Variants in HSPG2 observed in about 807,000 individuals in gnomAD.
HSPG2 encodes heparan sulfate proteoglycan 2.
A neutral mutation model predicts 526.6 loss-of-function variants in HSPG2; 278 were observed. The ratio of observed to expected loss-of-function variants is 0.53; its 90% CI spans 0.48 to 0.58. The LOEUF (loss-of-function observed/expected upper bound fraction) is 0.58. Ranked by LOEUF, HSPG2 falls within the 20% of genes least tolerant of loss-of-function variation. HSPG2 has a pLI of 0.00. For synonymous variants in HSPG2, 2,465 were observed against 2,555.4 expected (o/e 0.96, Z 1.07); for missense variants, 5,354 against 6,099.5 (o/e 0.88, Z 4.07).
intron 37 of HSPG2, among the ~76,000 whole-genome samples, chr1:21,863,266 G>A (rs1350613649): frequency 6.7e-5 from 9 of 134,374 alleles, no homozygotes; most frequent in African/African-American, 2.5e-4. Flanking sequence ...CCAGCTACTC[G>A]GGAGGCTGAG....
intron 39 of HSPG2, among the ~76,000 whole-genome samples, chr1:21,861,346 C>A (rs143212612): frequency 3.1e-4 from 47 of 152,238 alleles, no homozygotes; most frequent in African/African-American, 1.1e-3. Flanking sequence ...ACAGCATAAG[C>A]AAGGCCTGAA....
At chr1:21,854,075 G>A (rs1639135532) in intron 50 of HSPG2, 118 bp downstream of exon 50, 1 of 1,180,252 alleles carries the variant, frequency 8.5e-7, no homozygotes, top group Non-Finnish European at 1.2e-6. Flanking sequence ...AGCAGGCGCT[G>A]AAGGGTCAAA....
Position 21,865,028 on chromosome 1 carries a change from G to T in HSPG2, c.4441C>A (p.Leu1481Ile). The change falls in exon 36 of 97, where the codon CTC (leucine) becomes ATC (isoleucine). Residue 1481 changes from leucine to isoleucine, a missense_variant. By Grantham distance (5) the Leu-to-Ile change is conservative (BLOSUM62 2). Coordinates refer to ENST00000374695, the MANE Select transcript of HSPG2 (RefSeq NM_005529.7). The surrounding 1 kb of genome is among the most constrained non-coding windows in gnomAD (Gnocchi z 5.4). ...PDGQPATREH[L>I]LMALADLDEL... ...TCCAGGTCGGCCAGTGCCATCAGGA[G>T]GTGCTCGCGTGTGGCCGGCTGCCCA... The T allele has an allele frequency of 6.3e-7, 1 of 1,575,034 alleles. No individual in the cohort carries two copies.
rs1479685040 is a variant in HSPG2, at chr1:21,898,498, C to T, written c.64-2188G>A. 2.0e-5 allele frequency among the ~76,000 whole-genome samples: 3 copies of T among 152,332 alleles called. No homozygotes were observed. The highest frequency in any genetic ancestry group is 6.5e-5 in the Admixed American group (1 of 15,308). ...GTGAGAAATGCAGATTCCTGGGCTC[C>T]TTCTCAGAGACAGTGAGTCAGGTTT... On this transcript the variant is annotated intron_variant, in intron 1 of 96. Transcript: ENST00000374695. The surrounding 1 kb of genome is among the most constrained non-coding windows in gnomAD (Gnocchi z 4.0).
At position 21,851,570 on chromosome 1, in the gene HSPG2, C is replaced by A; in HGVS notation, c.7134G>T (p.Gly2378=). The change falls in exon 55 of 97, where the codon GGG becomes GGT. Residue 2378 remains glycine, a synonymous_variant. Transcript: ENST00000374695. The stretch of plus-strand genomic sequence containing the variant: ...CCTGGTGCCGGACAGGGAGGCTGCC[C>A]CCACGCTTGTGCCACGTGACCTGGG... ...SHAQVTWHKR[G]GSLPVRHQTH... is the part of the protein sequence containing the mutation. The A allele has an allele frequency of 6.2e-7, 1 of 1,614,036 alleles. No individual in the cohort carries two copies. The highest frequency in any genetic ancestry group is 1.1e-5 in the South Asian group (1 of 91,084).
rs548612790 is a variant in HSPG2 at position 21,857,448 on chromosome 1, T to G, written c.5294-63A>C. 2.2e-3 allele frequency: 3,173 copies of G among 1,442,166 alleles called. 5 individuals carry two copies. Among genetic ancestry groups the G allele is most frequent in the Non-Finnish European group, 2.8e-3 (2,925 of 1,031,912 alleles). The allele number at this position is 1,442,166 out of a possible 1,614,324, so 89.3% of individuals were successfully genotyped here. A position where few individuals can be genotyped will look rare whatever the true frequency, so the allele number is the denominator to read the frequency against. On this transcript the variant is annotated intron_variant, in intron 42 of 96. Coordinates refer to ENST00000374695, the MANE Select transcript of HSPG2 (RefSeq NM_005529.7). ...GCTAGGCCCCGGTCCTGTGGCCACT[T>G]TGTCTTTCTCCATAACCTCTAGGCA...
chr1:21,831,704 G>T lies in HSPG2; in HGVS notation c.11300C>A (p.Thr3767Asn). The T allele has an allele frequency of 6.2e-7, 1 of 1,606,572 alleles. No individual in the cohort carries two copies. The change falls in exon 82 of 97, where the codon ACC becomes AAC. Residue 3767 changes from threonine to asparagine, a missense_variant. Thr to Asn is a moderately conservative substitution (Grantham distance 65). Transcript: ENST00000374695. ...FHTVTLLRSLTQGSLIVGDLA... is the reference protein window; with the variant it reads ...FHTVTLLRSLNQGSLIVGDLA... Reference sequence around the variant, plus strand: ...GTCACCCACAATCAGGGAGCCCTGGGTGAGGCTGCGCAGCAGGGTCACGGT... The same window carrying T: ...GTCACCCACAATCAGGGAGCCCTGGTTGAGGCTGCGCAGCAGGGTCACGGT...
In HSPG2 at chr1:21,839,452, G is replaced by C; in HGVS notation, c.9808C>G (p.Gln3270Glu). Residue 3270 changes from glutamine to glutamate, a missense_variant, in exon 73 of 97, where the codon CAG becomes GAG. Transcript: ENST00000374695. This position sits in a 1 kb window ranked among gnomAD's most constrained non-coding sequence, Gnocchi z 4.5. ...GDTLIIPRVA[Q>E]QDSGQYICNA... Reference sequence around the variant, plus strand: ...CAGATGTACTGGCCCGAGTCCTGCTGGGCTACCCGGGGTATGATGAGTGTG... The same window carrying C: ...CAGATGTACTGGCCCGAGTCCTGCTCGGCTACCCGGGGTATGATGAGTGTG... 1 of 1,614,120 alleles carries C rather than the reference G, an allele frequency of 6.2e-7. No homozygotes were observed. The highest frequency in any genetic ancestry group is 8.5e-7 in the Non-Finnish European group (1 of 1,180,010).
chr1:21,878,760 G>T, intron 18 of HSPG2, 97 bp from the exon 19 acceptor site: 1 of 1,298,882 alleles, frequency 7.7e-7, no homozygotes, highest in African/African-American at 1.4e-5. Context: ...GACACAGTGT[G>T]CCACGAGGCA....
intron 1 of HSPG2, among the ~76,000 whole-genome samples, chr1:21,933,362 C>T (rs1015869971): frequency 2.0e-5 from 3 of 152,096 alleles, no homozygotes; most frequent in Non-Finnish European, 4.4e-5. Flanking sequence ...CTGAGCACCG[C>T]AGGGAGGTGG....
rs191840787 is a variant in HSPG2, at chr1:21,841,910, G to A, written c.9193+92C>T. 1,130 of 1,539,008 alleles carry A rather than the reference G, an allele frequency of 7.3e-4. 6 individuals carry two copies. The African/African-American group carries it at 0.014, about 19-fold the overall frequency. On this transcript the variant is annotated intron_variant, in intron 69 of 96. Transcript: ENST00000374695. ...CAGGGCCACACCATGAATGTGGGGC[G>A]TCCAGACTTCTGCCCCACCCTTGCA...
In HSPG2 at chr1:21,880,463, T is replaced by C. The variant is rs761748495; in HGVS notation, c.2095A>G (p.Asn699Asp). 45 of 1,613,802 alleles carry C rather than the reference T, an allele frequency of 2.8e-5. No individual in the cohort carries two copies. In the African/African-American group the frequency reaches 5.6e-4, roughly 20 times the overall value. The change falls in exon 16 of 97, where the codon AAC (asparagine) becomes GAC (aspartate). Residue 699 changes from asparagine (N) to aspartate (D), a missense_variant. By Grantham distance (23) the Asn-to-Asp change is conservative (BLOSUM62 1). Transcript: ENST00000374695. The part of the protein sequence containing the change: ...LEAVLIQTVY[N>D]TKMASVGLSD... ...AGTCCCACGCTGGCCATCTTGGTGT[T>C]GTACACGGTCTGGATGAGCACGGCC... is the stretch of plus-strand genomic sequence containing the variant.
chr1:21,887,345 G>A lies in HSPG2; in HGVS notation c.959-11C>T, dbSNP rs746171219. 87 of 1,613,936 alleles carry A rather than the reference G, an allele frequency of 5.4e-5. No homozygotes were observed. Among genetic ancestry groups the A allele is most frequent in the Middle Eastern group, 1.7e-4 (1 of 6,000 alleles). ...AGGGTGGCGGGGGGCCTAGGAGACC[G>A]GGCAGGGGTCAGCAGCATCCTCCCG... On this transcript the variant is annotated splice_polypyrimidine_tract_variant and intron_variant, in intron 8 of 96. Transcript: ENST00000374695. This position sits in a 1 kb window ranked among gnomAD's most constrained non-coding sequence, Gnocchi z 5.0.
intron 74 of HSPG2, 145 bp from the exon 75 acceptor site, chr1:21,837,151 T>G (rs2098029715): frequency 1.3e-6 from 1 of 763,422 alleles, no homozygotes; most frequent in South Asian, 1.5e-5. Context: ...GACCGTTCAG[T>G]GGCAGATTCA....
intron 1 of HSPG2, 89 bp downstream of exon 1, chr1:21,937,066 C>T: frequency 2.2e-6 from 1 of 445,102 alleles, no homozygotes; most frequent in Non-Finnish European, 3.1e-6. Flanking sequence ...TTGGGCGCCC[C>T]AGCCAAGTTG....
intron 85 of HSPG2, chr1:21,830,360 T>G: frequency 1.3e-5 from 6 of 477,454 alleles, no homozygotes; most frequent in Non-Finnish European, 1.5e-5. Flanking sequence ...GAGCACCTGG[T>G]GGCGGGTAAT....
At chr1:21,870,374 T>C (rs1640551273) in intron 33 of HSPG2, 5 of 834,498 alleles carry the variant, frequency 6.0e-6, no homozygotes, top group Non-Finnish European at 7.2e-6. Flanking sequence ...GCTAGAGCCA[T>C]GGGCAGGGTC....
At chr1:21,867,058 TTA>T (rs1329030744) in intron 33 of HSPG2, among the ~76,000 whole-genome samples, 6 of 107,938 alleles carry the variant, frequency 5.6e-5, no homozygotes, top group South Asian at 3.5e-4. Flanking sequence ...TAAAAATTTT[TTA>T]TTTTTTTTTT....
chr1:21,842,984 T>C (rs964559474), intron 66 of HSPG2, 63 bp from the exon 67 acceptor site: 2 of 1,588,810 alleles, frequency 1.3e-6, no homozygotes, highest in African/African-American at 2.7e-5. Context: ...GGGCTGAAGG[T>C]GGTGGCAGTG....
Sources: gnomAD v4.1 joint callset for allele counts (sites outside exome capture counted in the v4.1 genomes callset) on GRCh38, gnomAD v4.1.1 for gene constraint, Gnocchi (gnomAD v3.1) non-coding constraint, MANE v1.5 for transcripts, NCBI Gene and HGNC (gene_info 2026-07-23, HGNC 2026-07-21) for gene names.